The following COBL variants were observed in gnomAD, a reference collection of about 807,000 sequenced individuals.
COBL encodes the protein cordon-bleu WH2 repeat protein, also known as protein cordon-bleu.
In COBL, 51 loss-of-function variants were observed where a neutral mutation model predicts 98.8. That is an observed-to-expected ratio of 0.52 (90% CI 0.41 to 0.65). The LOEUF is 0.65. Among genes scored for constraint, COBL ranks in the 30% least tolerant of loss-of-function variants. The probability of loss-of-function intolerance (pLI) is 0.00; values close to 1 mark genes in which losing one functional copy is unlikely to be tolerated. For missense variants in COBL, 1,617 were observed against 1,617.5 expected (o/e 1.00, Z 0.01); for synonymous variants, 634 against 651.7 (o/e 0.97, Z 0.41).
Position 51,107,084 on chromosome 7 carries a change from G to GTTTTTTTTTTTTTTTTTTTTT in COBL, c.958-21781_958-21780insAAAAAAAAAAAAAAAAAAAAA. On this transcript the variant is annotated intron_variant, in intron 6 of 12. Transcript: ENST00000265136. Reference sequence around the variant, plus strand: ...ACTTAACACTTTTTTTGTGATCCTAGTTTGTTTGTTTTTTTTTTTTTTTTT... The same window carrying GTTTTTTTTTTTTTTTTTTTTT: ...ACTTAACACTTTTTTTGTGATCCTAGTTTTTTTTTTTTTTTTTTTTTTTTGTTTGTTTTTTTTTTTTTTTTT... 1.0e-4 allele frequency among the ~76,000 whole-genome samples: 11 copies of GTTTTTTTTTTTTTTTTTTTTT among 109,312 alleles called. 4 individuals carry two copies. Among genetic ancestry groups the GTTTTTTTTTTTTTTTTTTTTT allele is most frequent in the Admixed American group, 2.0e-4 (2 of 10,144 alleles). 71.7% of individuals were successfully genotyped at this position (109,312 alleles called of 152,430 possible). A position where few individuals can be genotyped will look rare whatever the true frequency, so the allele number is the denominator to read the frequency against.
intron 6 of COBL, among the ~76,000 whole-genome samples, chr7:51,101,821 T>C (rs1247609314): frequency 6.6e-6 from 1 of 152,218 alleles, no homozygotes; most frequent in African/African-American, 2.4e-5. Flanking sequence ...CTAGCCCTTT[T>C]CCTTCCCGCA....
At chr7:51,176,072 G>A (rs1788349565) in intron 5 of COBL, among the ~76,000 whole-genome samples, 1 of 152,104 alleles carries the variant, frequency 6.6e-6, no homozygotes, top group African/African-American at 2.4e-5. Context: ...GGACAGATGG[G>A]GCTTGTACCC....
intron 1 of COBL, among the ~76,000 whole-genome samples, chr7:51,252,258 A>T (rs980862439): frequency 6.6e-6 from 1 of 152,200 alleles, no homozygotes; most frequent in African/African-American, 2.4e-5. Context: ...AATTCAATAT[A>T]TTGTACATGT....
In COBL at chr7:51,177,719, G is replaced by A. The variant is rs535830107; in HGVS notation, c.783+6383C>T. On this transcript the variant is annotated intron_variant, in intron 5 of 12. Transcript: ENST00000265136. ...ACCCAGGAGGCAGAGGTTGCAGTGA[G>A]CTGAGATCATGCCACTGCACTCCAG... Among the ~76,000 whole-genome samples the A allele has an allele frequency of 1.4e-3, 213 of 151,758 alleles. 1 individual carries two copies. Among genetic ancestry groups the A allele is most frequent in the African/African-American group, 4.9e-3 (204 of 41,334 alleles).
chr7:51,102,470 C>T (rs930934913), intron 6 of COBL, among the ~76,000 whole-genome samples: 12 of 152,142 alleles, frequency 7.9e-5, no homozygotes, highest in Admixed American at 6.5e-5. Context: ...CTCCCACTCC[C>T]GACCTTGGTT....
intron 5 of COBL, among the ~76,000 whole-genome samples, chr7:51,170,532 A>ATAT (rs1562991402): frequency 4.3e-5 from 6 of 139,656 alleles, no homozygotes; most frequent in Non-Finnish European, 9.3e-5. Flanking sequence ...TATATATATA[A>ATAT]ATATATATCA....
intron 6 of COBL, among the ~76,000 whole-genome samples, chr7:51,134,620 TCC>T (rs1202269456): frequency 6.6e-6 from 1 of 152,208 alleles, no homozygotes; most frequent in Non-Finnish European, 1.5e-5. Flanking sequence ...ATAATATTGA[TCC>T]TGGAAGTCAT....
Position 51,145,457 on chromosome 7 carries a change from T to C in COBL, c.784-9126A>G, listed in dbSNP as rs565725521. Among the ~76,000 whole-genome samples the C allele has an allele frequency of 2.0e-5, 3 of 151,728 alleles. No individual in the cohort carries two copies. The South Asian group carries it at 6.3e-4, about 32-fold the overall frequency. Reference sequence around the variant, plus strand: ...GTGCAGTGGCACGAACTCAGTTCACTGCAACCTCTACCTCCCGGGTTCAAG... The same window carrying C: ...GTGCAGTGGCACGAACTCAGTTCACCGCAACCTCTACCTCCCGGGTTCAAG... On this transcript the variant is annotated intron_variant, in intron 5 of 12. Transcript: ENST00000265136.
chr7:51,163,843 T>C (rs910623600), intron 5 of COBL, among the ~76,000 whole-genome samples: 1 of 152,142 alleles, frequency 6.6e-6, no homozygotes, highest in African/African-American at 2.4e-5. Context: ...TGCCAGTGAG[T>C]CTTCAGGGTA....
At position 51,193,412 on chromosome 7, in the gene COBL, C is replaced by T. The variant is rs753238036; in HGVS notation, c.423G>A (p.Glu141=). The T allele has an allele frequency of 6.2e-6, 10 of 1,614,074 alleles. No individual in the cohort carries two copies. The East Asian group carries it at 2.0e-4, about 32-fold the overall frequency. ...CCTTAGGGGGACCAGGCTTAACCTTCTCTTCAGGAACTTTTTCTTTCAGAA... is the reference window on the plus strand; with the variant it reads ...CCTTAGGGGGACCAGGCTTAACCTTTTCTTCAGGAACTTTTTCTTTCAGAA... ...TVFLKEKVPE[E]KVKPGPPKVP... is the part of the protein sequence containing the mutation. Residue 141 remains glutamate, a synonymous_variant, in exon 3 of 13, where the codon GAG becomes GAA. Coordinates refer to ENST00000265136, the MANE Select transcript of COBL (RefSeq NM_015198.5).
Position 51,087,600 on chromosome 7 carries a change from G to A in COBL, c.958-2296C>T, listed in dbSNP as rs907329700. 2.6e-4 allele frequency among the ~76,000 whole-genome samples: 40 copies of A among 151,820 alleles called. 1 individual carries two copies. The highest frequency in any genetic ancestry group is 5.4e-4 in the Non-Finnish European group (37 of 67,958). ...AGTGATTCTCCTGCCTCAGCCTCCTGAGTAGCTGGGACTACAGGCACTGCC... is the reference window on the plus strand; with the variant it reads ...AGTGATTCTCCTGCCTCAGCCTCCTAAGTAGCTGGGACTACAGGCACTGCC... On this transcript the variant is annotated intron_variant, in intron 6 of 12. Transcript: ENST00000265136.
Position 51,025,255 on chromosome 7 carries a change from G to T in COBL, c.3622C>A (p.Pro1208Thr). The T allele has an allele frequency of 6.2e-7, 1 of 1,609,244 alleles. No individual in the cohort carries two copies. The highest frequency in any genetic ancestry group is 8.5e-7 in the Non-Finnish European group (1 of 1,178,564). ...GCCTGGGAGGGTGGAGGGGGTGGTG[G>T]GGGAATGGCTGGTGGGGACAGAAGA... ...LGLLSPPAIP[P>T]PPPPPSQALS... Residue 1208 changes from proline (P) to threonine (T), a missense_variant, in exon 12 of 13, where the codon CCA (proline) becomes ACA (threonine). By Grantham distance (38) the Pro-to-Thr change is conservative. Around this residue, in one of 3 missense-constraint regions of COBL, gnomAD observed 1,304 missense variants for 1,282.0 expected, o/e 1.02. Coordinates refer to ENST00000265136, the MANE Select transcript of COBL (RefSeq NM_015198.5).
At chr7:51,170,587 G>A (rs1382299080) in intron 5 of COBL, among the ~76,000 whole-genome samples, 3 of 147,442 alleles carry the variant, frequency 2.0e-5, no homozygotes, top group Non-Finnish European at 4.5e-5. Context: ...TATATATAAT[G>A]AAATATAATT....
chr7:51,312,579 T>C (rs932766417), intron 1 of COBL, among the ~76,000 whole-genome samples: 1 of 152,210 alleles, frequency 6.6e-6, no homozygotes, highest in Non-Finnish European at 1.5e-5. Context: ...GGTGTATAGA[T>C]GCATCCTATA....
intron 1 of COBL, among the ~76,000 whole-genome samples, chr7:51,266,783 G>A (rs12719046): frequency 0.31 from 47,840 of 151,976 alleles, 9,242 homozygotes; most frequent in Non-Finnish European, 0.43. Context: ...TTTTTTGAGT[G>A]CTATGGACAC....
In COBL at chr7:51,029,544, T is replaced by TGGAGCTGGTGAG. The variant is rs1171846320; in HGVS notation, c.1540_1551dup (p.Leu514_Ser517dup). Reference sequence around the variant, plus strand: ...GGGCAGTGGTTGGATGCACCATGGATGGAGCTGGTGAGGGAGCTGGTGTCT... The same window carrying TGGAGCTGGTGAG: ...GGGCAGTGGTTGGATGCACCATGGATGGAGCTGGTGAGGGAGCTGGTGAGGGAGCTGGTGTCT... On this transcript the variant is annotated inframe_insertion, in exon 10 of 13. Coordinates refer to ENST00000265136, the MANE Select transcript of COBL (RefSeq NM_015198.5). 1.2e-6 allele frequency: 2 copies of TGGAGCTGGTGAG among 1,610,962 alleles called. No homozygotes were observed. Among genetic ancestry groups the TGGAGCTGGTGAG allele is most frequent in the Non-Finnish European group, 1.7e-6 (2 of 1,177,510 alleles).
At chr7:51,191,952 T>G (rs1026256344) in intron 3 of COBL, among the ~76,000 whole-genome samples, 1 of 152,160 alleles carries the variant, frequency 6.6e-6, no homozygotes, top group Non-Finnish European at 1.5e-5. Context: ...CAATGCATTT[T>G]GGGAGAAAAG....
intron 1 of COBL, among the ~76,000 whole-genome samples, chr7:51,255,387 C>T (rs1310962649): frequency 6.6e-6 from 1 of 152,176 alleles, no homozygotes. Flanking sequence ...CCTATATCTC[C>T]TCTTTATAAA....
At chr7:51,030,643 C>T (rs1562819085) in intron 9 of COBL, among the ~76,000 whole-genome samples, 169 bp downstream of exon 9, 1 of 152,316 alleles carries the variant, frequency 6.6e-6, no homozygotes, top group Middle Eastern at 3.4e-3. Context: ...AAGCAGTCTA[C>T]CGGAAACCTG....
Sources: allele counts gnomAD v4.1 joint callset (sites outside exome capture counted in the v4.1 genomes callset), GRCh38; gene constraint gnomAD v4.1.1; regional missense constraint gnomAD v4.1.1; transcripts MANE v1.5; gene names NCBI Gene and HGNC (gene_info 2026-07-23, HGNC 2026-07-21).